The following COL23A1 variants were observed in gnomAD, a reference collection of about 807,000 sequenced individuals.
The protein encoded by COL23A1 is collagen alpha-1(XXIII) chain.
Under a neutral mutation model 99.3 loss-of-function variants are expected in COL23A1, and 97 were observed. The ratio of observed to expected loss-of-function variants is 0.98; its 90% CI spans 0.83 to 1.16. The LOEUF is 1.16. COL23A1 is among the 50% of genes most tolerant of loss of function. COL23A1 has a pLI of 0.00. For synonymous variants in COL23A1, 320 were observed against 308.2 expected, an observed-to-expected ratio of 1.04 and a Z score of -0.40; for missense variants, 762 against 757.4, an observed-to-expected ratio of 1.01 and a Z score of -0.07.
At chr5:178,358,405 GTGTGTATGTGTATGTGTGTGTA>G (rs1761931657) in intron 2 of COL23A1, among the ~76,000 whole-genome samples, 1 of 123,520 alleles carries the variant, frequency 8.1e-6, no homozygotes. Flanking sequence ...GTATGTGTAT[GTGTGTATGTGTATGTGTGTGTA>G]TGTGTATGTG....
At chr5:178,566,834 GA>G (rs1762865861) in intron 1 of COL23A1, among the ~76,000 whole-genome samples, 1 of 151,622 alleles carries the variant, frequency 6.6e-6, no homozygotes, top group South Asian at 2.1e-4. Context: ...AAGAAAGAAA[GA>G]AAAGAAAACT....
At chr5:178,513,291 C>T (rs1216198860) in intron 2 of COL23A1, among the ~76,000 whole-genome samples, 1 of 152,174 alleles carries the variant, frequency 6.6e-6, no homozygotes, top group Non-Finnish European at 1.5e-5. Flanking sequence ...TCACTTACAT[C>T]CCCCCTGCAA....
intron 2 of COL23A1, among the ~76,000 whole-genome samples, chr5:178,538,545 G>C (rs527989051): frequency 1.4e-4 from 21 of 152,244 alleles, no homozygotes; most frequent in South Asian, 2.1e-4. Context: ...CAGTTCAAGG[G>C]CTGGCATCCA....
chr5:178,588,172 C>G (rs1019057867), intron 1 of COL23A1, among the ~76,000 whole-genome samples: 2 of 152,150 alleles, frequency 1.3e-5, no homozygotes, highest in African/African-American at 4.8e-5. Flanking sequence ...ACTCATTGTT[C>G]AAGCACTGTA....
chr5:178,532,597 T>C (rs1760709294), intron 2 of COL23A1, among the ~76,000 whole-genome samples: 1 of 152,088 alleles, frequency 6.6e-6, no homozygotes, highest in South Asian at 2.1e-4. Flanking sequence ...TCTTGAGGCA[T>C]TTAAGAGACT....
rs1020478931 is a variant in COL23A1 at position 178,428,235 on chromosome 5, C to T, written c.362-121316G>A. Among the ~76,000 whole-genome samples, 3 of 152,228 alleles carry T rather than the reference C, an allele frequency of 2.0e-5. No individual in the cohort carries two copies. The highest frequency in any genetic ancestry group is 7.2e-5 in the African/African-American group (3 of 41,466). ...ACCAAGCCTTCTGCTGTGGGCTCCCCGAGGCATTTCCTGGGAGAAGGGTCT... is the reference window on the plus strand; with the variant it reads ...ACCAAGCCTTCTGCTGTGGGCTCCCTGAGGCATTTCCTGGGAGAAGGGTCT... On this transcript the variant is annotated intron_variant, in intron 2 of 28. Coordinates refer to ENST00000390654, the MANE Select transcript of COL23A1 (RefSeq NM_173465.4). This position sits in a 1 kb window ranked among gnomAD's most constrained non-coding sequence, Gnocchi z 5.0.
At chr5:178,476,951 G>C (rs1050710198) in intron 2 of COL23A1, among the ~76,000 whole-genome samples, 1 of 152,240 alleles carries the variant, frequency 6.6e-6, no homozygotes, top group Non-Finnish European at 1.5e-5. Context: ...CAAAGTGTCA[G>C]AAAGTCAGGT....
At chr5:178,290,425 C>T in intron 3 of COL23A1, 56 bp from the exon 4 acceptor site, 1 of 1,613,350 alleles carries the variant, frequency 6.2e-7, no homozygotes, top group Non-Finnish European at 8.5e-7. Context: ...GTCCCCTCGC[C>T]TGTCCTCAGC....
chr5:178,345,993 T>C (rs958581886), intron 2 of COL23A1, among the ~76,000 whole-genome samples: 1 of 152,186 alleles, frequency 6.6e-6, no homozygotes, highest in Non-Finnish European at 1.5e-5. Flanking sequence ...TTAGGACTCA[T>C]ATCTAAGATA....
intron 2 of COL23A1, among the ~76,000 whole-genome samples, chr5:178,519,124 C>T (rs1759801086): frequency 6.6e-6 from 1 of 152,166 alleles, no homozygotes; most frequent in South Asian, 2.1e-4. Flanking sequence ...GCCTTCGAGC[C>T]TTCTCAACAG....
intron 2 of COL23A1, among the ~76,000 whole-genome samples, chr5:178,526,108 GGA>G (rs2113139613): frequency 6.6e-6 from 1 of 152,384 alleles, no homozygotes; most frequent in South Asian, 2.1e-4. Flanking sequence ...GCTTCCTGAA[GGA>G]GAGAGGGCAG....
intron 2 of COL23A1, among the ~76,000 whole-genome samples, chr5:178,485,702 A>T (rs887225107): frequency 1.3e-5 from 2 of 150,736 alleles, no homozygotes; most frequent in Admixed American, 1.3e-4. Flanking sequence ...GAATCACCTG[A>T]ATCTGGGAGG....
In COL23A1 at chr5:178,259,710, G is replaced by A. The variant is rs955546666; in HGVS notation, c.729+11C>T. On this transcript the variant is annotated intron_variant, in intron 12 of 28. Coordinates refer to ENST00000390654, the MANE Select transcript of COL23A1 (RefSeq NM_173465.4). ...CACTGACCCGGAAGCTCCTCCATTG[G>A]CCCCTCTCACCTTCTTTCCAGGTAC... 1 of 1,601,468 alleles carries A rather than the reference G, an allele frequency of 6.2e-7. No individual in the cohort carries two copies. The highest frequency in any genetic ancestry group is 8.5e-7 in the Non-Finnish European group (1 of 1,172,018).
intron 5 of COL23A1, among the ~76,000 whole-genome samples, chr5:178,278,662 C>T (rs1756724922): frequency 6.6e-6 from 1 of 151,832 alleles, no homozygotes; most frequent in Admixed American, 6.6e-5. Flanking sequence ...GGCCAGCCTC[C>T]GCCAGGCCCC....
intron 11 of COL23A1, among the ~76,000 whole-genome samples, chr5:178,260,523 G>A (rs1042432411): frequency 2.0e-5 from 3 of 152,168 alleles, no homozygotes; most frequent in African/African-American, 7.2e-5. Context: ...GGCCGGGCAC[G>A]GTGGCTCATG....
chr5:178,371,289 G>A (rs1762787521), intron 2 of COL23A1, among the ~76,000 whole-genome samples: 1 of 152,208 alleles, frequency 6.6e-6, no homozygotes, highest in African/African-American at 2.4e-5. Context: ...GGTTCGACCA[G>A]TGTCACCAGG....
At chr5:178,459,039 G>A (rs1755967959) in intron 2 of COL23A1, among the ~76,000 whole-genome samples, 1 of 152,108 alleles carries the variant, frequency 6.6e-6, no homozygotes, top group Non-Finnish European at 1.5e-5. Flanking sequence ...AAATTAAAGG[G>A]AAGGAGGCAA....
chr5:178,300,826 A>C (rs1270738311), intron 3 of COL23A1, among the ~76,000 whole-genome samples: 1 of 151,994 alleles, frequency 6.6e-6, no homozygotes, highest in Non-Finnish European at 1.5e-5. Flanking sequence ...GGCCTCCCAA[A>C]GTGCTGGGAT....
chr5:178,343,790 G>A (rs1760807180), intron 2 of COL23A1, among the ~76,000 whole-genome samples: 1 of 151,854 alleles, frequency 6.6e-6, no homozygotes, highest in Non-Finnish European at 1.5e-5. Context: ...AGCCTCCTGA[G>A]TAGCTGGGAC....
Sources: gnomAD v4.1 joint callset for allele counts (sites outside exome capture counted in the v4.1 genomes callset) on GRCh38, gnomAD v4.1.1 for gene constraint, Gnocchi (gnomAD v3.1) non-coding constraint, MANE v1.5 for transcripts, NCBI Gene and HGNC (gene_info 2026-07-23, HGNC 2026-07-21) for gene names.